STAU2: variants seen among roughly 807,000 people sequenced by gnomAD.
STAU2 encodes staufen double-stranded RNA binding protein 2.
STAU2 carries 20 observed loss-of-function variants against 65.9 expected under a neutral mutation model. The observed-to-expected ratio is 0.30, with a 90% confidence interval of 0.21 to 0.44. The LOEUF (loss-of-function observed/expected upper bound fraction) is 0.44. Ranked by LOEUF, STAU2 falls within the 20% of genes least tolerant of loss-of-function variation. The pLI, the probability that STAU2 is intolerant of heterozygous loss-of-function variation, is 1.00. For missense variants in STAU2, 558 were observed against 683.9 expected, an observed-to-expected ratio of 0.82 and a Z score of 2.05; for synonymous variants, 232 against 233.9, an observed-to-expected ratio of 0.99 and a Z score of 0.07.
intron 13 of STAU2, among the ~76,000 whole-genome samples, chr8:73,545,126 T>C (rs1008101343): frequency 6.6e-6 from 1 of 152,210 alleles, no homozygotes; most frequent in African/African-American, 2.4e-5. Context: ...ATTCTTCATA[T>C]ACATGCTGAA....
At chr8:73,632,741 G>A (rs1814193105) in intron 6 of STAU2, among the ~76,000 whole-genome samples, 1 of 152,152 alleles carries the variant, frequency 6.6e-6, no homozygotes, top group Non-Finnish European at 1.5e-5. Context: ...TTCAGAGCTG[G>A]TGAACTCATG....
chr8:73,570,600 C>T (rs550532066), intron 12 of STAU2, among the ~76,000 whole-genome samples: 11 of 152,286 alleles, frequency 7.2e-5, no homozygotes, highest in Admixed American at 3.9e-4. Flanking sequence ...ATACAGAGAA[C>T]GCCACAAAGA....
intron 4 of STAU2, among the ~76,000 whole-genome samples, chr8:73,697,853 G>A (rs554774837): frequency 1.3e-5 from 2 of 152,278 alleles, no homozygotes; most frequent in East Asian, 1.9e-4. Context: ...GCCAAGGCAG[G>A]TAGACTGCTT....
At chr8:73,477,752 T>C (rs757738324) in intron 13 of STAU2, among the ~76,000 whole-genome samples, 2 of 152,116 alleles carry the variant, frequency 1.3e-5, no homozygotes, top group African/African-American at 2.4e-5. Flanking sequence ...GTGTCCAAAA[T>C]GCAACCTGGA....
At chr8:73,651,677 A>C in intron 6 of STAU2, 1 of 487,842 alleles carries the variant, frequency 2.0e-6, no homozygotes, top group Non-Finnish European at 3.8e-6. Context: ...TGCTGTGGGC[A>C]GCCTCTGGCG....
intron 6 of STAU2, chr8:73,672,137 T>C (rs1817729140): frequency 6.6e-6 from 1 of 152,146 alleles, no homozygotes; most frequent in Non-Finnish European, 1.5e-5. Flanking sequence ...AATTATGATA[T>C]ATCCATACAA....
intron 11 of STAU2, among the ~76,000 whole-genome samples, chr8:73,586,430 G>A (rs887227520): frequency 6.6e-6 from 1 of 152,108 alleles, no homozygotes; most frequent in African/African-American, 2.4e-5. Flanking sequence ...GGGGTTTCCT[G>A]TTGGGAGAGG....
At chr8:73,662,320 C>T (rs913780615) in intron 6 of STAU2, among the ~76,000 whole-genome samples, 6 of 151,988 alleles carry the variant, frequency 3.9e-5, no homozygotes, top group African/African-American at 1.5e-4. Context: ...ATATGTCTTG[C>T]TTTTTCATTT....
At chr8:73,509,470 T>A (rs569469637) in intron 13 of STAU2, among the ~76,000 whole-genome samples, 1 of 152,274 alleles carries the variant, frequency 6.6e-6, no homozygotes, top group African/African-American at 2.4e-5. Flanking sequence ...TTAAAATAAA[T>A]TTTTAAAAGC....
At chr8:73,673,013 A>G (rs1817794078) in intron 6 of STAU2, 94 bp downstream of exon 6, 1 of 1,198,592 alleles carries the variant, frequency 8.3e-7, no homozygotes, top group East Asian at 2.7e-5. Context: ...AAGGTCAATT[A>G]GATTTACAAT....
At chr8:73,744,689 T>C (rs1396750887) in intron 1 of STAU2, among the ~76,000 whole-genome samples, 2 of 152,134 alleles carry the variant, frequency 1.3e-5, no homozygotes, top group Admixed American at 1.3e-4. Context: ...AAATGTAAAA[T>C]TTGCATGGTT....
intron 12 of STAU2, among the ~76,000 whole-genome samples, chr8:73,575,516 C>T (rs75120506): frequency 0.017 from 2,513 of 152,104 alleles, 33 homozygotes; most frequent in Middle Eastern, 0.048. Context: ...CTACCACATA[C>T]GTAAAATTAC....
intron 13 of STAU2, among the ~76,000 whole-genome samples, chr8:73,496,475 T>TTATA (rs1471670758): frequency 1.5e-3 from 233 of 151,798 alleles, no homozygotes; most frequent in African/African-American, 5.6e-3. Context: ...TGGGTCTGAG[T>TTATA]ATCAGCTCTG....
chr8:73,503,625 A>G (rs1325343367), intron 13 of STAU2, among the ~76,000 whole-genome samples: 1 of 152,058 alleles, frequency 6.6e-6, no homozygotes, highest in Non-Finnish European at 1.5e-5. Context: ...GGATAAATGA[A>G]TGACTAGCTG....
rs150211220 is a variant in STAU2 at position 73,509,215 on chromosome 8, G to A, written c.1530+42797C>T. On this transcript the variant is annotated intron_variant, in intron 13 of 14. Coordinates refer to ENST00000524300, the MANE Select transcript of STAU2 (RefSeq NM_001164380.2). ...GTGGGGTGTGAAATGGTATGTTATC[G>A]TGATTTTACTTTGCATTTCCCTGAT... Among the ~76,000 whole-genome samples, 10 of 152,096 alleles carry A rather than the reference G, an allele frequency of 6.6e-5. 1 individual carries two copies. The highest frequency in any genetic ancestry group is 3.9e-4 in the East Asian group (2 of 5,174).
rs199789244 is a variant in STAU2 at position 73,658,945 on chromosome 8, A to ACAAC, written c.410+14161_410+14162insGTTG. Among the ~76,000 whole-genome samples the ACAAC allele has an allele frequency of 2.0e-3, 219 of 107,374 alleles. 1 individual carries two copies. The highest frequency in any genetic ancestry group is 0.013 in the South Asian group (41 of 3,076). 70.4% of individuals were successfully genotyped at this position (107,374 alleles called of 152,430 possible). A position where few individuals can be genotyped will look rare whatever the true frequency, so the allele number is the denominator to read the frequency against. On this transcript the variant is annotated intron_variant, in intron 6 of 14. Transcript: ENST00000524300. ...AACAACAACAACAACAAAAACAACA[A>ACAAC]AAAAAAAAAACCAACCATACTTAAA... is the stretch of plus-strand genomic sequence containing the variant.
chr8:73,654,651 A>AAAAAAAAAAAAAAAAC (rs1816173492), intron 6 of STAU2, among the ~76,000 whole-genome samples: 1 of 140,494 alleles, frequency 7.1e-6, no homozygotes, highest in African/African-American at 2.5e-5. Flanking sequence ...AAAAAAAAAA[A>AAAAAAAAAAAAAAAAC]AAAAAAAAAA....
In STAU2 at chr8:73,617,286, C is replaced by G; in HGVS notation, c.570+6G>C. 6.2e-7 allele frequency: 1 copy of G among 1,613,540 alleles called. No homozygotes were observed. The highest frequency in any genetic ancestry group is 8.5e-7 in the Non-Finnish European group (1 of 1,179,776). ...GAACAGACTGTCACATGCAGCAGCA[C>G]CACACCTGAGGAGATCTTTCTGGAA... On this transcript the variant is annotated splice_donor_region_variant and intron_variant, in intron 7 of 14. Coordinates refer to ENST00000524300, the MANE Select transcript of STAU2 (RefSeq NM_001164380.2).
At chr8:73,716,059 C>CA (rs1821226712) in intron 3 of STAU2, among the ~76,000 whole-genome samples, 1 of 151,340 alleles carries the variant, frequency 6.6e-6, no homozygotes, top group South Asian at 2.1e-4. Context: ...GGATTACAGG[C>CA]ATGCGCCACC....
Sources: allele counts gnomAD v4.1 joint callset (sites outside exome capture counted in the v4.1 genomes callset), GRCh38; gene constraint gnomAD v4.1.1; transcripts MANE v1.5; gene names NCBI Gene and HGNC (gene_info 2026-07-23, HGNC 2026-07-21).